INTS4: variants seen among roughly 807,000 people sequenced by gnomAD.
INTS4 encodes the protein integrator complex subunit 4, also known as MSTP093.
A neutral mutation model predicts 119.5 loss-of-function variants in INTS4; 70 were observed. The observed-to-expected ratio is 0.59, with a 90% CI of 0.48 to 0.71. The LOEUF is 0.71. Ranked by LOEUF, INTS4 falls within the 30% of genes least tolerant of loss-of-function variation. INTS4 has a pLI of 0.00. For synonymous variants in INTS4, 316 were observed against 419.6 expected, an observed-to-expected ratio of 0.75 and a Z score of 3.02; for missense variants, 867 against 1,173.2, an observed-to-expected ratio of 0.74 and a Z score of 3.81.
chr11:77,981,476 T>C lies in INTS4; in HGVS notation c.347A>G (p.Asn116Ser), dbSNP rs1385645626. Reference sequence around the variant, plus strand: ...CAACTTACTTTCATTCTGCAGGATGTTGATGGCATCATCCATAATGCAGTC... The same window carrying C: ...CAACTTACTTTCATTCTGCAGGATGCTGATGGCATCATCCATAATGCAGTC... Reference protein sequence around the residue: ...SPDCIMDDAINILQNEKSHQV... With the variant: ...SPDCIMDDAISILQNEKSHQV... The change falls in exon 3 of 23, where the codon AAC (asparagine) becomes AGC (serine). Residue 116 changes from asparagine (N) to serine (S), a missense_variant. Physicochemically the swap from Asn to Ser is conservative, Grantham distance 46. Coordinates refer to ENST00000534064, the MANE Select transcript of INTS4 (RefSeq NM_033547.4). 6.6e-7 allele frequency: 1 copy of C among 1,525,666 alleles called. No individual in the cohort carries two copies. The allele number at this position is 1,525,666 out of a possible 1,614,324, so 94.5% of individuals were successfully genotyped here. A position where few individuals can be genotyped will look rare whatever the true frequency, so the allele number is the denominator to read the frequency against.
intron 8 of INTS4, among the ~76,000 whole-genome samples, chr11:77,948,672 A>G (rs1954110359): frequency 1.1e-5 from 1 of 90,392 alleles, no homozygotes; most frequent in Non-Finnish European, 2.1e-5. Flanking sequence ...AAAAAACAAA[A>G]AAAAAAAAGA....
At chr11:77,966,867 G>A (rs889474827) in intron 4 of INTS4, among the ~76,000 whole-genome samples, 2 of 152,110 alleles carry the variant, frequency 1.3e-5, no homozygotes, top group African/African-American at 4.8e-5. Context: ...ATCATTTTGG[G>A]TAATATGGAC....
intron 12 of INTS4, 153 bp downstream of exon 12, chr11:77,924,597 C>G: frequency 1.6e-6 from 1 of 608,668 alleles, no homozygotes; most frequent in Admixed American, 3.1e-5. Flanking sequence ...GAATCAGATT[C>G]CTGAGAGTTC....
downstream of INTS4, chr11:77,878,564 T>A: frequency 3.9e-6 from 2 of 510,152 alleles, 1 homozygote; most frequent in Non-Finnish European, 6.9e-6. Flanking sequence ...AAACACACCG[T>A]CACTTTAAGA....
chr11:77,929,552 T>C (rs1310184891), intron 10 of INTS4, among the ~76,000 whole-genome samples: 1 of 152,208 alleles, frequency 6.6e-6, no homozygotes, highest in Non-Finnish European at 1.5e-5. Context: ...CTAAATATCA[T>C]TGTTCGAATT....
At chr11:77,953,614 C>T (rs1409208216) in intron 8 of INTS4, among the ~76,000 whole-genome samples, 6 of 149,950 alleles carry the variant, frequency 4.0e-5, no homozygotes, top group Admixed American at 2.6e-4. Flanking sequence ...GACAGGGTCT[C>T]GCTCTTTTGC....
intron 2 of INTS4, among the ~76,000 whole-genome samples, chr11:77,984,019 G>T (rs2136652804): frequency 6.6e-6 from 1 of 152,234 alleles, no homozygotes; most frequent in African/African-American, 2.4e-5. Flanking sequence ...GCAAAATATG[G>T]TATATACACA....
intron 8 of INTS4, among the ~76,000 whole-genome samples, chr11:77,949,060 G>A (rs1232730225): frequency 1.3e-5 from 2 of 152,084 alleles, no homozygotes; most frequent in Non-Finnish European, 2.9e-5. Flanking sequence ...TGTGAGCTAT[G>A]ACTGTGCAAT....
At chr11:77,993,529 T>C (rs1242347572) in intron 1 of INTS4, among the ~76,000 whole-genome samples, 1 of 152,186 alleles carries the variant, frequency 6.6e-6, no homozygotes, top group Admixed American at 6.5e-5. Context: ...CAACAGAATG[T>C]TGGGAAGAGA....
intron 10 of INTS4, among the ~76,000 whole-genome samples, chr11:77,931,732 C>G (rs1368908163): frequency 1.3e-5 from 2 of 152,072 alleles, no homozygotes; most frequent in African/African-American, 2.4e-5. Flanking sequence ...GTACTGGTAC[C>G]AAAACAGATA....
In INTS4 at chr11:77,978,985, T is replaced by C. The variant is rs776990416; in HGVS notation, c.471+11A>G. The C allele has an allele frequency of 6.4e-7, 1 of 1,557,882 alleles. No homozygotes were observed. The highest frequency in any genetic ancestry group is 8.9e-7 in the Non-Finnish European group (1 of 1,129,380). On this transcript the variant is annotated intron_variant, in intron 4 of 22. Coordinates refer to ENST00000534064, the MANE Select transcript of INTS4 (RefSeq NM_033547.4). ...GTTTAGGATGGATCTGAATAGATTT[T>C]ATACTCTTACCTTGCAGGCCACATC...
Position 77,991,267 on chromosome 11 carries a change from T to C in INTS4, c.87A>G (p.Arg29=), listed in dbSNP as rs142140127. 495 of 1,613,924 alleles carry C rather than the reference T, an allele frequency of 3.1e-4. 3 individuals carry two copies. The African/African-American group carries it at 5.8e-3, about 19-fold the overall frequency. The part of the protein sequence containing the change: ...PQEEIATKKL[R]LTKPSKSAAL... Reference sequence around the variant, plus strand: ...CTGCAGATTTACTTGGTTTTGTTAGTCGGAGTTTCTTAGTAGCAATTTCCT... The same window carrying C: ...CTGCAGATTTACTTGGTTTTGTTAGCCGGAGTTTCTTAGTAGCAATTTCCT... Residue 29 remains arginine, a synonymous_variant, in exon 2 of 23, where the codon CGA becomes CGG. Coordinates refer to ENST00000534064, the MANE Select transcript of INTS4 (RefSeq NM_033547.4).
intron 2 of INTS4, among the ~76,000 whole-genome samples, chr11:77,984,279 C>T (rs1347367289): frequency 6.6e-6 from 1 of 152,008 alleles, no homozygotes; most frequent in Non-Finnish European, 1.5e-5. Context: ...GATCACCCTA[C>T]GTCAGGAAGT....
intron 19 of INTS4, among the ~76,000 whole-genome samples, chr11:77,892,110 T>C (rs1952298566): frequency 6.6e-6 from 1 of 152,236 alleles, no homozygotes; most frequent in South Asian, 2.1e-4. Context: ...ATCCTATGCA[T>C]CATTAGAATT....
chr11:77,955,015 T>C (rs1182483388), intron 8 of INTS4, among the ~76,000 whole-genome samples: 2 of 152,386 alleles, frequency 1.3e-5, no homozygotes, highest in Admixed American at 6.5e-5. Flanking sequence ...GCTATTTCTC[T>C]ACAGGAGAGT....
rs1486001154 is a variant in INTS4, at chr11:77,956,707, AAAAAATAATAAT to A, written c.798-657_798-646del. Reference sequence around the variant, plus strand: ...GGGCAACAGAGCGAGACTCCATCTCAAAAAATAATAATAATAATAATAATAATAATAATAATA... The same window carrying A: ...GGGCAACAGAGCGAGACTCCATCTCAAATAATAATAATAATAATAATAATA... On this transcript the variant is annotated intron_variant, in intron 7 of 22. Transcript: ENST00000534064. 6.6e-4 allele frequency among the ~76,000 whole-genome samples: 38 copies of A among 57,968 alleles called. 2 individuals are homozygous for A. In the South Asian group the frequency reaches 8.6e-3, roughly 13 times the overall value. 38.0% of individuals were successfully genotyped at this position (57,968 alleles called of 152,430 possible). A position where few individuals can be genotyped will look rare whatever the true frequency, so the allele number is the denominator to read the frequency against.
chr11:77,935,903 A>AAAAAAAGAAAGAGAG (rs1953778432), intron 10 of INTS4, among the ~76,000 whole-genome samples: 1 of 86,990 alleles, frequency 1.1e-5, no homozygotes, highest in Non-Finnish European at 2.1e-5. Context: ...CTCAAAAAAA[A>AAAAAAAGAAAGAGAG]AAAAAAGAAA....
chr11:77,878,174 A>C (rs1951655330), downstream of INTS4, among the ~76,000 whole-genome samples: 1 of 152,092 alleles, frequency 6.6e-6, no homozygotes, highest in South Asian at 2.1e-4. Flanking sequence ...CATCCTGGCT[A>C]ACATGGTGAA....
intron 2 of INTS4, among the ~76,000 whole-genome samples, chr11:77,988,204 T>C (rs117066887): frequency 5.3e-5 from 8 of 152,322 alleles, no homozygotes; most frequent in Non-Finnish European, 1.2e-4. Flanking sequence ...AGCCTCTGAA[T>C]TTACGGAGCT....
Sources: allele counts gnomAD v4.1 joint callset (sites outside exome capture counted in the v4.1 genomes callset), GRCh38; gene constraint gnomAD v4.1.1; transcripts MANE v1.5; gene names NCBI Gene and HGNC (gene_info 2026-07-23, HGNC 2026-07-21).